PRELID2: variants seen among roughly 807,000 people sequenced by gnomAD.
PRELID2 encodes the protein PRELI domain-containing protein 2.
PRELID2 carries 25 observed loss-of-function variants against 28.4 expected under a neutral mutation model. The observed-to-expected ratio is 0.88, with a 90% CI of 0.64 to 1.23. The LOEUF (loss-of-function observed/expected upper bound fraction) is 1.23, where lower values mean the gene tolerates loss of function less well. Among genes scored for constraint, PRELID2 ranks in the 50% most tolerant of loss-of-function variants. The pLI is 0.00. For synonymous variants in PRELID2, 76 were observed against 71.6 expected (o/e 1.06, Z -0.31); for missense variants, 201 against 214.4 (o/e 0.94, Z 0.39).
At chr5:145,475,626 T>G (rs1161110821) in intron 1 of PRELID2, among the ~76,000 whole-genome samples, 1 of 152,212 alleles carries the variant, frequency 6.6e-6, no homozygotes, top group Non-Finnish European at 1.5e-5. Context: ...ACCAAGATGT[T>G]TTAAGAGTTT....
the PRELID2 span, among the ~76,000 whole-genome samples, chr5:145,360,478 G>A: frequency 1.3e-5 from 2 of 152,066 alleles, no homozygotes; most frequent in Non-Finnish European, 1.5e-5. Flanking sequence ...ACAGTGTCCC[G>A]ACCTGGAAAT....
the PRELID2 span, among the ~76,000 whole-genome samples, chr5:145,370,363 C>A: frequency 6.6e-6 from 1 of 151,990 alleles, no homozygotes; most frequent in African/African-American, 2.4e-5. Context: ...TTCCCAGCAC[C>A]ATTTATTGAA....
chr5:145,597,514 T>G (rs1753326892), intron 1 of PRELID2, among the ~76,000 whole-genome samples: 1 of 152,144 alleles, frequency 6.6e-6, no homozygotes, highest in Non-Finnish European at 1.5e-5. Flanking sequence ...AAATGAGTAT[T>G]GGGTTGAACA....
At chr5:145,416,125 GTTGT>G in the PRELID2 span, among the ~76,000 whole-genome samples, 45 of 152,126 alleles carry the variant, frequency 3.0e-4, 1 homozygote, top group East Asian at 6.6e-3. Flanking sequence ...TTTTGATGGG[GTTGT>G]TTGTTTTTTT....
chr5:145,537,532 T>C (rs1752709690), intron 1 of PRELID2, among the ~76,000 whole-genome samples: 1 of 151,918 alleles, frequency 6.6e-6, no homozygotes, highest in African/African-American at 2.4e-5. Context: ...AACTAGGTAG[T>C]ATCTTGTGGT....
intron 1 of PRELID2, among the ~76,000 whole-genome samples, chr5:145,646,765 A>G (rs1754202675): frequency 6.6e-6 from 1 of 152,086 alleles, no homozygotes; most frequent in Admixed American, 6.5e-5. Context: ...TCCTTCTAAC[A>G]CTCAGGCCCC....
chr5:145,384,476 CAT>C, the PRELID2 span, among the ~76,000 whole-genome samples: 1 of 152,000 alleles, frequency 6.6e-6, no homozygotes, highest in East Asian at 1.9e-4. Context: ...ATATTCAAAA[CAT>C]ATATTGAATA....
intron 1 of PRELID2, among the ~76,000 whole-genome samples, chr5:145,476,660 AT>A (rs59049224): frequency 0.015 from 2,295 of 150,776 alleles, 46 homozygotes; most frequent in African/African-American, 0.045. Context: ...TCTTAAAAAA[AT>A]AAAAATTTAT....
intron 1 of PRELID2, among the ~76,000 whole-genome samples, chr5:145,484,940 C>T (rs1580954575): frequency 6.6e-6 from 1 of 152,284 alleles, no homozygotes; most frequent in Admixed American, 6.5e-5. Context: ...AGAGGAGCTA[C>T]TACCAGGGGC....
At chr5:145,314,863 T>C in the PRELID2 span, among the ~76,000 whole-genome samples, 1 of 151,970 alleles carries the variant, frequency 6.6e-6, no homozygotes, top group African/African-American at 2.4e-5. Context: ...TTTACTCATA[T>C]TGCTTTTCAG....
chr5:145,413,008 G>C, the PRELID2 span, among the ~76,000 whole-genome samples: 1 of 152,184 alleles, frequency 6.6e-6, no homozygotes, highest in East Asian at 1.9e-4. Flanking sequence ...ATCTTGACCT[G>C]TCCCCCCTTG....
At position 145,568,850 on chromosome 5, in the gene PRELID2, G is replaced by C. The variant is rs578146955; in HGVS notation, n.71-95535C>G. ...AGGTTACTGGGAAAACCTGGGACAG[G>C]ATGTTACACACTGTACCTGCCACCC... is the stretch of plus-strand genomic sequence containing the variant. On this transcript the variant is annotated intron_variant and non_coding_transcript_variant, in intron 1 of 2. Coordinates refer to the PRELID2 transcript ENST00000510259. Among the ~76,000 whole-genome samples, 35 of 152,306 alleles carry C rather than the reference G, an allele frequency of 2.3e-4. No individual in the cohort carries two copies. In the South Asian group the frequency reaches 7.1e-3, roughly 31 times the overall value.
the PRELID2 span, among the ~76,000 whole-genome samples, chr5:145,320,356 C>T: frequency 4.0e-5 from 6 of 151,752 alleles, no homozygotes; most frequent in Admixed American, 2.6e-4. Flanking sequence ...CTGCAAGCTC[C>T]GCCTCACCGC....
chr5:145,524,796 T>C (rs947760134), intron 1 of PRELID2, among the ~76,000 whole-genome samples: 1 of 152,160 alleles, frequency 6.6e-6, no homozygotes, highest in Non-Finnish European at 1.5e-5. Flanking sequence ...GCAGCAATTC[T>C]CCTTCTGGAC....
At chr5:145,687,646 T>G (rs1214695056) in intron 1 of PRELID2, among the ~76,000 whole-genome samples, 1 of 152,196 alleles carries the variant, frequency 6.6e-6, no homozygotes, top group African/African-American at 2.4e-5. Context: ...CATGACAGCA[T>G]GGACATTTTC....
intron 5 of PRELID2, among the ~76,000 whole-genome samples, chr5:145,794,005 C>T (rs1314188904): frequency 6.6e-6 from 1 of 151,946 alleles, no homozygotes. Context: ...CCTGGTGGTG[C>T]CTGACCTATA....
intron 1 of PRELID2, among the ~76,000 whole-genome samples, chr5:145,632,885 C>T (rs1298160856): frequency 6.6e-6 from 1 of 152,168 alleles, no homozygotes; most frequent in Non-Finnish European, 1.5e-5. Flanking sequence ...ATTAGGCAAG[C>T]TCTCAAATCC....
intron 1 of PRELID2, among the ~76,000 whole-genome samples, chr5:145,633,661 T>C (rs1279691856): frequency 6.6e-6 from 1 of 152,154 alleles, no homozygotes; most frequent in African/African-American, 2.4e-5. Flanking sequence ...TTTGATTTCC[T>C]AGGGGAGACA....
intron 1 of PRELID2, among the ~76,000 whole-genome samples, chr5:145,500,967 A>T (rs1752355564): frequency 6.6e-6 from 1 of 152,166 alleles, no homozygotes; most frequent in South Asian, 2.1e-4. Context: ...TATGACTGCA[A>T]GCAGAGGGAG....
Sources: gnomAD v4.1 joint callset for allele counts (sites outside exome capture counted in the v4.1 genomes callset) on GRCh38, gnomAD v4.1.1 for gene constraint, MANE v1.5 for transcripts, NCBI Gene and HGNC (gene_info 2026-07-23, HGNC 2026-07-21) for gene names.